The following LRP1B variants were observed in gnomAD, a reference collection of about 807,000 sequenced individuals.
LRP1B encodes the protein low-density lipoprotein receptor-related protein 1B.
In LRP1B, 217 loss-of-function variants were observed where a neutral mutation model predicts 556.6. The ratio of observed to expected loss-of-function variants is 0.39; its 90% CI spans 0.35 to 0.44. The LOEUF (loss-of-function observed/expected upper bound fraction) is 0.44. Among genes scored for constraint, LRP1B ranks in the 20% least tolerant of loss-of-function variants. The probability of loss-of-function intolerance (pLI) is 1.00; values close to 1 mark genes in which losing one functional copy is unlikely to be tolerated. For missense variants in LRP1B, 5,053 were observed against 5,620.8 expected (o/e 0.90, Z 3.23); for synonymous variants, 2,047 against 1,865.8 (o/e 1.10, Z -2.50).
intron 7 of LRP1B, among the ~76,000 whole-genome samples, chr2:141,172,482 TACTG>T (rs892835724): frequency 5.9e-5 from 9 of 152,088 alleles, no homozygotes; most frequent in African/African-American, 1.9e-4. Flanking sequence ...CTCATAATCT[TACTG>T]ACTAAAATGA....
chr2:140,435,262 A>AT (rs1179308344), intron 66 of LRP1B, among the ~76,000 whole-genome samples: 2 of 135,136 alleles, frequency 1.5e-5, no homozygotes, highest in African/African-American at 5.5e-5. Context: ...TCTATAAAGT[A>AT]TTTAACTCTG....
intron 1 of LRP1B, among the ~76,000 whole-genome samples, chr2:141,948,697 A>G (rs1382771224): frequency 6.6e-6 from 1 of 152,148 alleles, no homozygotes; most frequent in East Asian, 1.9e-4. Flanking sequence ...TCAAGTGAAA[A>G]TGACTAGTTA....
At chr2:140,740,609 G>C (rs288126) in intron 35 of LRP1B, among the ~76,000 whole-genome samples, 35,536 of 151,874 alleles carry the variant, frequency 0.23, 4,232 homozygotes, top group East Asian at 0.29. Context: ...CACCACTAAA[G>C]AACTTACTCA....
chr2:140,312,345 T>C (rs1040014634), intron 83 of LRP1B, among the ~76,000 whole-genome samples: 5 of 151,954 alleles, frequency 3.3e-5, no homozygotes, highest in African/African-American at 1.2e-4. Context: ...ACAAACCCTC[T>C]AGTTCCATTC....
At chr2:140,568,193 C>T (rs1681195703) in intron 43 of LRP1B, among the ~76,000 whole-genome samples, 1 of 69,188 alleles carries the variant, frequency 1.4e-5, no homozygotes, top group African/African-American at 4.3e-5. Flanking sequence ...GATAATGCAC[C>T]ATGGTCCAAA....
At chr2:142,084,335 A>T (rs1488132994) in intron 1 of LRP1B, among the ~76,000 whole-genome samples, 2 of 151,968 alleles carry the variant, frequency 1.3e-5, no homozygotes, top group Non-Finnish European at 2.9e-5. Flanking sequence ...ATCCTCTCTG[A>T]TCAATACTTC....
chr2:140,906,219 C>G (rs1411083860), intron 22 of LRP1B, among the ~76,000 whole-genome samples: 1 of 152,094 alleles, frequency 6.6e-6, no homozygotes, highest in Non-Finnish European at 1.5e-5. Context: ...TAATCTATTT[C>G]AGTCTCTATA....
intron 66 of LRP1B, among the ~76,000 whole-genome samples, chr2:140,425,956 C>T (rs1418728641): frequency 1.3e-5 from 2 of 152,062 alleles, no homozygotes; most frequent in African/African-American, 4.8e-5. Context: ...AATAAAATGG[C>T]TTAATATTTT....
intron 82 of LRP1B, among the ~76,000 whole-genome samples, chr2:140,319,499 G>GT (rs1228070326): frequency 1.3e-5 from 2 of 152,086 alleles, no homozygotes; most frequent in African/African-American, 2.4e-5. Flanking sequence ...TTTCTGAGAG[G>GT]TTAAGTGGAA....
chr2:141,310,640 C>T (rs532227963), intron 3 of LRP1B, among the ~76,000 whole-genome samples: 6 of 152,180 alleles, frequency 3.9e-5, no homozygotes, highest in African/African-American at 1.2e-4. Flanking sequence ...TGCACATACA[C>T]GGACACACAC....
intron 2 of LRP1B, among the ~76,000 whole-genome samples, chr2:141,713,665 ACATT>A (rs1692459447): frequency 1.3e-5 from 2 of 152,196 alleles, no homozygotes; most frequent in African/African-American, 2.4e-5. Flanking sequence ...CACCCAAATA[ACATT>A]CAAATTTAAA....
At position 141,586,947 on chromosome 2, in the gene LRP1B, AAAAAG is replaced by A. The variant is rs1203988902; in HGVS notation, c.206-106419_206-106415del. On this transcript the variant is annotated intron_variant, in intron 2 of 90. Coordinates refer to ENST00000389484, the MANE Select transcript of LRP1B (RefSeq NM_018557.3). Reference sequence around the variant, plus strand: ...ACAGAGTGAGACTCCATCTCAAAAAAAAAAGAAAAAAAAAAAAAGAAGAGAGAGAG... The same window carrying A: ...ACAGAGTGAGACTCCATCTCAAAAAAAAAAAAAAAAAAAGAAGAGAGAGAG... Among the ~76,000 whole-genome samples, 56 of 151,536 alleles carry A rather than the reference AAAAAG, an allele frequency of 3.7e-4. 1 individual carries two copies. The highest frequency in any genetic ancestry group is 1.4e-3 in the African/African-American group (56 of 41,372).
intron 66 of LRP1B, among the ~76,000 whole-genome samples, chr2:140,403,708 G>T (rs918868475): frequency 2.0e-5 from 3 of 152,122 alleles, no homozygotes; most frequent in East Asian, 1.9e-4. Flanking sequence ...TTATTTGAGG[G>T]AATAATTGAG....
chr2:142,128,120 C>T (rs775726551), intron 1 of LRP1B, among the ~76,000 whole-genome samples: 3 of 152,024 alleles, frequency 2.0e-5, no homozygotes, highest in Non-Finnish European at 4.4e-5. Flanking sequence ...AATTAAAAGA[C>T]AAGTGCACGT....
chr2:140,829,452 T>G (rs540214181), intron 31 of LRP1B, among the ~76,000 whole-genome samples: 11 of 151,954 alleles, frequency 7.2e-5, no homozygotes, highest in Non-Finnish European at 1.6e-4. Context: ...CACAATGGAA[T>G]AAAACTAGAA....
intron 35 of LRP1B, among the ~76,000 whole-genome samples, chr2:140,720,840 GC>G (rs1553518585): frequency 2.0e-5 from 3 of 151,840 alleles, no homozygotes. Flanking sequence ...ATAAAAATAT[GC>G]CAGGTAAAAT....
chr2:140,532,197 T>C (rs1168247951), intron 47 of LRP1B, among the ~76,000 whole-genome samples: 1 of 152,140 alleles, frequency 6.6e-6, no homozygotes, highest in Admixed American at 6.6e-5. Flanking sequence ...CTTATTATTA[T>C]AGGTTTCGTT....
intron 2 of LRP1B, among the ~76,000 whole-genome samples, chr2:141,779,452 CT>C (rs1202771104): frequency 7.2e-6 from 1 of 138,048 alleles, no homozygotes; most frequent in Non-Finnish European, 1.5e-5. Context: ...CAGGGTTTCG[CT>C]TTTCTGTCCA....
intron 48 of LRP1B, 56 bp from the exon 49 acceptor site, chr2:140,526,049 C>A (rs2104968614): frequency 6.4e-7 from 1 of 1,559,822 alleles, no homozygotes. Flanking sequence ...GATTATGAGC[C>A]TTCTATGTAG....
Sources: gnomAD v4.1 joint callset for allele counts (sites outside exome capture counted in the v4.1 genomes callset) on GRCh38, gnomAD v4.1.1 for gene constraint, MANE v1.5 for transcripts, NCBI Gene and HGNC (gene_info 2026-07-23, HGNC 2026-07-21) for gene names.